CDH20: variants seen among roughly 807,000 people sequenced by gnomAD.
CDH20 encodes the protein cadherin-20.
Under a neutral mutation model 74.2 loss-of-function variants are expected in CDH20, and 29 were observed. That is an observed-to-expected ratio of 0.39 (90% CI 0.29 to 0.53). The LOEUF (loss-of-function observed/expected upper bound fraction) is 0.53. CDH20 is among the 20% of genes least tolerant of loss of function. The pLI is 0.69. For missense variants in CDH20, 988 were observed against 1,048.3 expected, an observed-to-expected ratio of 0.94 and a Z score of 0.79; for synonymous variants, 469 against 405.4, an observed-to-expected ratio of 1.16 and a Z score of -1.88.
At chr18:61,350,814 A>C (rs140637724) in intron 1 of CDH20, among the ~76,000 whole-genome samples, 48 of 152,268 alleles carry the variant, frequency 3.2e-4, no homozygotes, top group Middle Eastern at 3.4e-3. Flanking sequence ...ATCTTTCCTC[A>C]AAGTCACCAG....
At chr18:61,379,417 C>T (rs1041647074) in intron 1 of CDH20, among the ~76,000 whole-genome samples, 1 of 152,154 alleles carries the variant, frequency 6.6e-6, no homozygotes, top group Non-Finnish European at 1.5e-5. Flanking sequence ...AGAAAAGTCC[C>T]TTCCCAGGAT....
At chr18:61,389,972 A>G (rs1911720951) in intron 1 of CDH20, among the ~76,000 whole-genome samples, 1 of 152,200 alleles carries the variant, frequency 6.6e-6, no homozygotes, top group Non-Finnish European at 1.5e-5. Context: ...TCTTAAAAAT[A>G]AAACAAAAAC....
chr18:61,545,378 T>G (rs758784), intron 10 of CDH20, among the ~76,000 whole-genome samples: 144,197 of 151,678 alleles, frequency 0.95, 68,795 homozygotes, highest in Non-Finnish European at 0.99. Flanking sequence ...AAAGTGCTAG[T>G]ATTACAGACA....
chr18:61,501,441 A>G (rs1255750993), intron 4 of CDH20, among the ~76,000 whole-genome samples: 2 of 152,164 alleles, frequency 1.3e-5, no homozygotes, highest in Non-Finnish European at 1.5e-5. Flanking sequence ...AAACTAGCAA[A>G]AGATATAGGA....
intron 1 of CDH20, among the ~76,000 whole-genome samples, chr18:61,376,828 A>G (rs1001292551): frequency 1.2e-4 from 18 of 152,122 alleles, no homozygotes; most frequent in African/African-American, 4.3e-4. Flanking sequence ...GTCAGGAATC[A>G]GGGAGATAAT....
intron 1 of CDH20, among the ~76,000 whole-genome samples, chr18:61,373,926 C>A (rs931646524): frequency 1.3e-5 from 2 of 152,122 alleles, no homozygotes; most frequent in Non-Finnish European, 2.9e-5. Flanking sequence ...GCTCAGATAA[C>A]AAAAGCCCAA....
chr18:61,399,028 G>T (rs1912077538), intron 1 of CDH20, among the ~76,000 whole-genome samples: 1 of 152,166 alleles, frequency 6.6e-6, no homozygotes, highest in African/African-American at 2.4e-5. Context: ...GTAAATGAGA[G>T]TCCCTTCATT....
At chr18:61,344,302 A>G (rs1384356329) in intron 1 of CDH20, among the ~76,000 whole-genome samples, 1 of 152,184 alleles carries the variant, frequency 6.6e-6, no homozygotes, top group Non-Finnish European at 1.5e-5. Context: ...TGAGGTACAA[A>G]TATCATCACC....
intron 1 of CDH20, among the ~76,000 whole-genome samples, chr18:61,490,137 A>G (rs1434697404): frequency 2.6e-5 from 4 of 152,158 alleles, no homozygotes; most frequent in Admixed American, 2.6e-4. Context: ...CCCTCCAGCT[A>G]AGTTACCAAT....
chr18:61,341,660 C>T (rs1172038723), intron 1 of CDH20, among the ~76,000 whole-genome samples: 1 of 152,188 alleles, frequency 6.6e-6, no homozygotes, highest in Admixed American at 6.5e-5. Context: ...CACTTGAGAG[C>T]ATGTGTCTTG....
chr18:61,337,346 G>T lies in CDH20; in HGVS notation c.-153+3519G>T. Among the ~76,000 whole-genome samples the T allele has an allele frequency of 1.3e-5, 2 of 152,034 alleles. 1 individual carries two copies. ...ATGTGAAGTTATAATAAAAATAAAC[G>T]CATTACCTAATTCTAGTATTAAATA... On this transcript the variant is annotated intron_variant, in intron 1 of 11. Coordinates refer to ENST00000262717, the MANE Select transcript of CDH20 (RefSeq NM_031891.4).
At chr18:61,483,272 A>C (rs1219373301) in intron 1 of CDH20, among the ~76,000 whole-genome samples, 3 of 152,124 alleles carry the variant, frequency 2.0e-5, no homozygotes, top group Non-Finnish European at 4.4e-5. Context: ...CTAACTATGT[A>C]GCATTTGCCA....
chr18:61,345,899 G>T (rs1910101765), intron 1 of CDH20, among the ~76,000 whole-genome samples: 1 of 152,074 alleles, frequency 6.6e-6, no homozygotes, highest in Non-Finnish European at 1.5e-5. Flanking sequence ...AGGAAACAGG[G>T]GTGCCACCCT....
intron 9 of CDH20, among the ~76,000 whole-genome samples, chr18:61,541,970 C>T (rs1422230086): frequency 2.0e-5 from 3 of 152,124 alleles, no homozygotes; most frequent in Admixed American, 6.6e-5. Context: ...CCAGACTTAG[C>T]GATTTGTATC....
chr18:61,475,602 A>G (rs1910345016), intron 1 of CDH20, among the ~76,000 whole-genome samples: 1 of 152,202 alleles, frequency 6.6e-6, no homozygotes, highest in Non-Finnish European at 1.5e-5. Flanking sequence ...ATTTGGAAAA[A>G]TCTCAATGCT....
chr18:61,369,344 T>C (rs1910958248), intron 1 of CDH20, among the ~76,000 whole-genome samples: 1 of 152,156 alleles, frequency 6.6e-6, no homozygotes, highest in Non-Finnish European at 1.5e-5. Context: ...ATATCCAGGA[T>C]AGGTTTTTAA....
At chr18:61,352,210 T>A (rs557781428) in intron 1 of CDH20, among the ~76,000 whole-genome samples, 1 of 152,216 alleles carries the variant, frequency 6.6e-6, no homozygotes, top group Non-Finnish European at 1.5e-5. Flanking sequence ...TGTCTCCAGC[T>A]GTCATGTCTG....
chr18:61,503,874 G>C (rs1442843164), intron 5 of CDH20, among the ~76,000 whole-genome samples: 1 of 152,188 alleles, frequency 6.6e-6, no homozygotes, highest in Admixed American at 6.5e-5. Context: ...TACATAGGCA[G>C]AAAAGAAAAC....
At chr18:61,439,786 G>GA (rs1457598224) in intron 1 of CDH20, among the ~76,000 whole-genome samples, 1 of 151,992 alleles carries the variant, frequency 6.6e-6, no homozygotes, top group African/African-American at 2.4e-5. Flanking sequence ...AAAACCAAGA[G>GA]AAAAAACATC....
Sources: gnomAD v4.1 joint callset for allele counts (sites outside exome capture counted in the v4.1 genomes callset) on GRCh38, gnomAD v4.1.1 for gene constraint, MANE v1.5 for transcripts, NCBI Gene and HGNC (gene_info 2026-07-23, HGNC 2026-07-21) for gene names.